SRSF3: variants seen among roughly 807,000 people sequenced by gnomAD.
SRSF3 encodes the protein serine/arginine-rich splicing factor 3.
For missense variants in SRSF3, 58 were observed against 217.1 expected, an observed-to-expected ratio of 0.27 and a Z score of 4.61; for synonymous variants, 87 against 73.6, an observed-to-expected ratio of 1.18 and a Z score of -0.93.
intron 2 of SRSF3, among the ~76,000 whole-genome samples, chr6:36,597,849 A>G (rs1778656874): frequency 6.7e-6 from 1 of 149,016 alleles, no homozygotes; most frequent in Non-Finnish European, 1.5e-5. Context: ...TCTTTTTTTA[A>G]AAAAATGTAT....
In SRSF3 at chr6:36,602,255, G is replaced by C. The variant is rs541461887; in HGVS notation, c.*266G>C. 2 of 530,242 alleles carry C rather than the reference G, an allele frequency of 3.8e-6. No homozygotes were observed. The highest frequency in any genetic ancestry group is 3.9e-5 in the African/African-American group (2 of 50,990). The allele number at this position is 530,242 out of a possible 1,614,324, so 32.8% of individuals were successfully genotyped here. A position where few individuals can be genotyped will look rare whatever the true frequency, so the allele number is the denominator to read the frequency against. On this transcript the variant is annotated 3_prime_UTR_variant, in exon 6 of 6. Coordinates refer to ENST00000373715, the MANE Select transcript of SRSF3 (RefSeq NM_003017.5). ...AAATTGAATTTGCTTTGAACTTTTA[G>C]TTATGCACAGACTGATAATAAACCT...
At chr6:36,597,535 C>T (rs74882376) in intron 2 of SRSF3, among the ~76,000 whole-genome samples, 7 of 152,258 alleles carry the variant, frequency 4.6e-5, no homozygotes, top group Non-Finnish European at 8.8e-5. Flanking sequence ...GAATCACTTA[C>T]TATTTCCCTT....
chr6:36,599,454 TA>T, intron 3 of SRSF3: 1 of 203,368 alleles, frequency 4.9e-6, no homozygotes, highest in Non-Finnish European at 1.0e-5. Flanking sequence ...TAAAGGGGGC[TA>T]AAAAAGAAGT....
At chr6:36,601,443 C>G (rs1215524157) in intron 4 of SRSF3, 4 of 571,794 alleles carry the variant, frequency 7.0e-6, no homozygotes, top group Non-Finnish European at 1.2e-5. Context: ...AACTCCTGGC[C>G]TTGGAGTGAT....
In SRSF3 at chr6:36,596,581, G is replaced by C. The variant is rs796587247; in HGVS notation, c.-2-180G>C. On this transcript the variant is annotated intron_variant, in intron 1 of 5. Transcript: ENST00000373715. Reference sequence around the variant, plus strand: ...GATAATGGGGCGGGGTGGCGGGGGGGGGGAAATGGGTGCTTAGCAGTAACA... The same window carrying C: ...GATAATGGGGCGGGGTGGCGGGGGGCGGGAAATGGGTGCTTAGCAGTAACA... Among the ~76,000 whole-genome samples, 19 of 143,878 alleles carry C rather than the reference G, an allele frequency of 1.3e-4. 2 individuals carry two copies. Among genetic ancestry groups the C allele is most frequent in the East Asian group, 9.0e-4 (4 of 4,442 alleles). The allele number at this position is 143,878 out of a possible 152,430, so 94.4% of individuals were successfully genotyped here.
intron 2 of SRSF3, chr6:36,598,314 A>G (rs550471112): frequency 6.6e-6 from 1 of 152,466 alleles, no homozygotes; most frequent in Admixed American, 6.5e-5. Context: ...TTCCTTGTGA[A>G]TTGGTACTTT....
chr6:36,601,020 T>TTTTTTTTTTTTTTC, intron 3 of SRSF3, 132 bp from the exon 4 acceptor site: 1 of 324,362 alleles, frequency 3.1e-6, no homozygotes, highest in Non-Finnish European at 5.1e-6. Flanking sequence ...TTTTTTTTTT[T>TTTTTTTTTTTTTTC]TTTTTTGGAC....
In SRSF3 at chr6:36,602,181, C is replaced by A. The variant is rs557019024; in HGVS notation, c.*192C>A. 1 of 1,125,706 alleles carries A rather than the reference C, an allele frequency of 8.9e-7. No individual in the cohort carries two copies. Among genetic ancestry groups the A allele is most frequent in the Non-Finnish European group, 1.2e-6 (1 of 830,442 alleles). The allele number at this position is 1,125,706 out of a possible 1,614,324, so 69.7% of individuals were successfully genotyped here. A position where few individuals can be genotyped will look rare whatever the true frequency, so the allele number is the denominator to read the frequency against. On this transcript the variant is annotated 3_prime_UTR_variant, in exon 6 of 6. Coordinates refer to ENST00000373715, the MANE Select transcript of SRSF3 (RefSeq NM_003017.5). ...TCTCTATGGTTTGAAATGGATCATA[C>A]GAGGCATGTAATACCAAGAATTGTT...
intron 4 of SRSF3, 73 bp from the exon 5 acceptor site, chr6:36,601,635 T>A (rs766304851): frequency 7.2e-7 from 1 of 1,395,744 alleles, no homozygotes; most frequent in Non-Finnish European, 1.0e-6. Context: ...TGAGTCACCA[T>A]GCCAGATCAA....
Position 36,596,674 on chromosome 6 carries a change from CCTCT to C in SRSF3, c.-2-84_-2-81del. 3 of 1,203,152 alleles carry C rather than the reference CCTCT, an allele frequency of 2.5e-6. 1 individual carries two copies. The East Asian group carries it at 7.2e-5, about 29-fold the overall frequency. 74.5% of individuals were successfully genotyped at this position (1,203,152 alleles called of 1,614,324 possible). A position where few individuals can be genotyped will look rare whatever the true frequency, so the allele number is the denominator to read the frequency against. ...TACGTGCTACCTTAAACTCTCTTGT[CCTCT>C]CTAATGGAGTTCTTTCTAAGGATCT... On this transcript the variant is annotated intron_variant, in intron 1 of 5. Transcript: ENST00000373715.
intron 5 of SRSF3, 70 bp downstream of exon 5, chr6:36,601,864 T>C (rs1772079567): frequency 1.3e-6 from 2 of 1,595,332 alleles, no homozygotes; most frequent in Non-Finnish European, 1.7e-6. Flanking sequence ...TTCTAAGCCA[T>C]AAATTTTTTA....
In SRSF3 at chr6:36,603,971, T is replaced by C. The variant is rs550352111; in HGVS notation, c.*1982T>C. On this transcript the variant is annotated 3_prime_UTR_variant, in exon 6 of 6. Transcript: ENST00000373715. ...TAAAAGTAACTTCACCAGGGAGTTA[T>C]CCTGACTTAGGTGACATACAGTCCC... 8.7e-6 allele frequency: 2 copies of C among 230,592 alleles called. No individual in the cohort carries two copies. Among genetic ancestry groups the C allele is most frequent in the African/African-American group, 4.4e-5 (2 of 45,192 alleles). 14.3% of individuals were successfully genotyped at this position (230,592 alleles called of 1,614,324 possible). A position where few individuals can be genotyped will look rare whatever the true frequency, so the allele number is the denominator to read the frequency against.
chr6:36,594,621 G>T (rs2127503912), intron 1 of SRSF3, 140 bp downstream of exon 1: 1 of 152,464 alleles, frequency 6.6e-6, no homozygotes, highest in East Asian at 1.9e-4. Context: ...GGTGGCGGGG[G>T]CTCCCGGCCC....
In SRSF3 at chr6:36,605,180, C is replaced by G. The variant is rs1778789557; in HGVS notation, c.*3191C>G. ...ATTCAGCTGTAGACCCCTTAAGGTT[C>G]TGAGACAAGGTCATTGAAATTTGTT... On this transcript the variant is annotated 3_prime_UTR_variant, in exon 6 of 6. Transcript: ENST00000373715. 6.6e-6 allele frequency: 1 copy of G among 152,228 alleles called. No individual in the cohort carries two copies. The allele number at this position is 152,228 out of a possible 1,614,324, so 9.4% of individuals were successfully genotyped here. A position where few individuals can be genotyped will look rare whatever the true frequency, so the allele number is the denominator to read the frequency against.
intron 2 of SRSF3, chr6:36,597,197 CG>C: frequency 1.8e-6 from 1 of 548,504 alleles, no homozygotes; most frequent in Non-Finnish European, 3.2e-6. Flanking sequence ...CCTCGGCCTC[CG>C]GGGTTCAAGT....
At chr6:36,599,119 A>G in intron 3 of SRSF3, 136 bp downstream of exon 3, 1 of 1,112,218 alleles carries the variant, frequency 9.0e-7, no homozygotes, top group African/African-American at 1.6e-5. Flanking sequence ...TGTTGGGTGT[A>G]ATTTGGGGTA....
chr6:36,597,954 C>CT (rs1378273546), intron 2 of SRSF3, among the ~76,000 whole-genome samples: 2 of 152,052 alleles, frequency 1.3e-5, no homozygotes, highest in Non-Finnish European at 1.5e-5. Context: ...CTCAGCCTCT[C>CT]TGAGTGCTGG....
chr6:36,602,925 A>C lies in SRSF3; in HGVS notation c.*936A>C, dbSNP rs1235965175. On this transcript the variant is annotated 3_prime_UTR_variant, in exon 6 of 6. Coordinates refer to ENST00000373715, the MANE Select transcript of SRSF3 (RefSeq NM_003017.5). ...ATAAAATATTAGCATAATTGTGTAT[A>C]GTCAGTTGAACCCACTGTTACCATT... The C allele has an allele frequency of 9.3e-6, 2 of 214,504 alleles. No individual in the cohort carries two copies. Among genetic ancestry groups the C allele is most frequent in the African/African-American group, 4.5e-5 (2 of 44,254 alleles). 13.3% of individuals were successfully genotyped at this position (214,504 alleles called of 1,614,324 possible). A position where few individuals can be genotyped will look rare whatever the true frequency, so the allele number is the denominator to read the frequency against.
Position 36,604,254 on chromosome 6 carries a change from T to C in SRSF3, c.*2265T>C, listed in dbSNP as rs879822634. The C allele has an allele frequency of 3.7e-5, 8 of 216,940 alleles. No individual in the cohort carries two copies. The highest frequency in any genetic ancestry group is 5.6e-5 in the Non-Finnish European group (6 of 107,736). 13.4% of individuals were successfully genotyped at this position (216,940 alleles called of 1,614,324 possible). On this transcript the variant is annotated 3_prime_UTR_variant, in exon 6 of 6. Transcript: ENST00000373715. ...GATCAAGGTGTTCACTAGAAGTCAC[T>C]GTTACTAATACTTGATGACAATGTA...
Sources: gnomAD v4.1 joint callset for allele counts (sites outside exome capture counted in the v4.1 genomes callset) on GRCh38, gnomAD v4.1.1 for gene constraint, MANE v1.5 for transcripts, NCBI Gene and HGNC (gene_info 2026-07-23, HGNC 2026-07-21) for gene names.